Variants in KCTD16 observed in about 807,000 individuals in gnomAD.
KCTD16 encodes the protein potassium channel tetramerization domain containing 16, also known as BTB/POZ domain-containing protein KCTD16.
Under a neutral mutation model 33.2 loss-of-function variants are expected in KCTD16, and 13 were observed. The observed-to-expected ratio is 0.39, with a 90% CI of 0.25 to 0.62. The LOEUF (loss-of-function observed/expected upper bound fraction) is 0.62, where lower values mean the gene tolerates loss of function less well. Among genes scored for constraint, KCTD16 ranks in the 20% least tolerant of loss-of-function variants. The pLI is 0.50. For synonymous variants in KCTD16, 197 were observed against 195.3 expected (o/e 1.01, Z -0.07); for missense variants, 441 against 525.1 (o/e 0.84, Z 1.57).
chr5:144,284,385 A>G lies in KCTD16; in HGVS notation c.832+76839A>G, dbSNP rs6889149. 4.7e-3 allele frequency among the ~76,000 whole-genome samples: 715 copies of G among 152,348 alleles called. 6 individuals are homozygous for G. The highest frequency in any genetic ancestry group is 0.016 in the African/African-American group (672 of 41,592). ...AGGCAATGTTGAAAGAAGGATAGAA[A>G]ACTATGAAAAGAAATCCTTCCTACT... On this transcript the variant is annotated intron_variant, in intron 3 of 3. Transcript: ENST00000512467.
At chr5:144,359,353 G>A (rs1324430113) in intron 3 of KCTD16, among the ~76,000 whole-genome samples, 2 of 152,222 alleles carry the variant, frequency 1.3e-5, no homozygotes, top group East Asian at 1.9e-4. Context: ...GAGCCAAATT[G>A]TCCTAAGTAG....
chr5:144,385,779 A>G (rs932849085), intron 3 of KCTD16, among the ~76,000 whole-genome samples: 11 of 152,198 alleles, frequency 7.2e-5, no homozygotes, highest in African/African-American at 2.4e-4. Context: ...GTCCCATTCA[A>G]ATCATTTAAG....
chr5:144,294,155 T>C (rs1171810468), intron 3 of KCTD16, among the ~76,000 whole-genome samples: 1 of 151,756 alleles, frequency 6.6e-6, no homozygotes, highest in African/African-American at 2.4e-5. Context: ...TGAGACTCTG[T>C]CAAACAAACA....
intron 3 of KCTD16, among the ~76,000 whole-genome samples, chr5:144,295,945 T>C (rs1232806309): frequency 1.3e-5 from 2 of 152,210 alleles, no homozygotes; most frequent in Non-Finnish European, 2.9e-5. Context: ...AATCTGGCAA[T>C]ATCCAGTGAG....
intron 3 of KCTD16, among the ~76,000 whole-genome samples, chr5:144,265,282 T>C (rs950212369): frequency 1.3e-5 from 2 of 152,136 alleles, no homozygotes; most frequent in African/African-American, 4.8e-5. Context: ...TTAAAAACAG[T>C]GAAAACAAAC....
At position 144,466,134 on chromosome 5, in the gene KCTD16, G is replaced by A. The variant is rs532787010; in HGVS notation, c.833-7526G>A. 5.9e-5 allele frequency among the ~76,000 whole-genome samples: 9 copies of A among 152,168 alleles called. No homozygotes were observed. The East Asian group carries it at 7.7e-4, about 13-fold the overall frequency. Reference sequence around the variant, plus strand: ...GATTCAGGTGTGAGCCAGCCTACCCGGCCATATGTTTTTTCTCTGTTGGAG... The same window carrying A: ...GATTCAGGTGTGAGCCAGCCTACCCAGCCATATGTTTTTTCTCTGTTGGAG... On this transcript the variant is annotated intron_variant, in intron 3 of 3. Coordinates refer to ENST00000512467, the MANE Select transcript of KCTD16 (RefSeq NM_020768.4).
chr5:144,456,860 A>G (rs1207769141), intron 3 of KCTD16, among the ~76,000 whole-genome samples: 1 of 152,016 alleles, frequency 6.6e-6, no homozygotes, highest in East Asian at 1.9e-4. Context: ...AGACACTTTG[A>G]AATTGTTTTT....
chr5:144,387,576 C>G (rs1561588977), intron 3 of KCTD16, among the ~76,000 whole-genome samples: 2 of 152,076 alleles, frequency 1.3e-5, no homozygotes, highest in Admixed American at 1.3e-4. Context: ...TTTTGCTTTC[C>G]TGGAAAAGAA....
intron 3 of KCTD16, among the ~76,000 whole-genome samples, chr5:144,392,500 T>A (rs1422944290): frequency 2.0e-5 from 3 of 152,212 alleles, no homozygotes; most frequent in Non-Finnish European, 4.4e-5. Flanking sequence ...GCTCTCTGGA[T>A]GCTGTGTGAC....
intron 3 of KCTD16, among the ~76,000 whole-genome samples, chr5:144,303,939 T>G (rs561733024): frequency 1.0e-3 from 154 of 152,326 alleles, no homozygotes; most frequent in African/African-American, 3.6e-3. Context: ...TGTCACAGCC[T>G]TAAACACACT....
In KCTD16 at chr5:144,478,353, TAG is replaced by T. The variant is rs1187375539; in HGVS notation, c.*4242_*4243del. 2.0e-5 allele frequency: 3 copies of T among 152,088 alleles called. No homozygotes were observed. The highest frequency in any genetic ancestry group is 7.2e-5 in the African/African-American group (3 of 41,444). The allele number at this position is 152,088 out of a possible 1,614,324, so 9.4% of individuals were successfully genotyped here. A position where few individuals can be genotyped will look rare whatever the true frequency, so the allele number is the denominator to read the frequency against. On this transcript the variant is annotated 3_prime_UTR_variant, in exon 4 of 4. Transcript: ENST00000512467. ...TTGCTCTCTACCCCTGCTGAAAGAATAGAGTCTTAAACTTTAATAATCACAGC... is the reference window on the plus strand; with the variant it reads ...TTGCTCTCTACCCCTGCTGAAAGAATAGTCTTAAACTTTAATAATCACAGC...
intron 3 of KCTD16, among the ~76,000 whole-genome samples, chr5:144,298,109 G>A (rs146331746): frequency 6.6e-6 from 1 of 152,238 alleles, no homozygotes; most frequent in East Asian, 1.9e-4. Flanking sequence ...CATCCTAATC[G>A]AGCTGAACAC....
chr5:144,276,933 C>A (rs942634597), intron 3 of KCTD16, among the ~76,000 whole-genome samples: 2 of 151,430 alleles, frequency 1.3e-5, no homozygotes, highest in Admixed American at 1.3e-4. Context: ...ATCCCATAAT[C>A]TATGTAAATT....
At chr5:144,395,237 C>T (rs1182144404) in intron 3 of KCTD16, among the ~76,000 whole-genome samples, 6 of 152,154 alleles carry the variant, frequency 3.9e-5, no homozygotes, top group Admixed American at 3.3e-4. Flanking sequence ...GGGTTAATAA[C>T]CCAGATAGTT....
intron 3 of KCTD16, among the ~76,000 whole-genome samples, chr5:144,394,795 G>A (rs967057764): frequency 6.6e-6 from 1 of 152,198 alleles, no homozygotes; most frequent in African/African-American, 2.4e-5. Context: ...TGCCATGATT[G>A]TAAGTTTCCT....
At chr5:144,413,991 C>T (rs1374453028) in intron 3 of KCTD16, among the ~76,000 whole-genome samples, 1 of 152,096 alleles carries the variant, frequency 6.6e-6, no homozygotes, top group African/African-American at 2.4e-5. Flanking sequence ...GATTAAGTGA[C>T]CTTGTAGATC....
At chr5:144,457,982 T>G in intron 3 of KCTD16, among the ~76,000 whole-genome samples, 1 of 152,216 alleles carries the variant, frequency 6.6e-6, no homozygotes, top group Admixed American at 6.5e-5. Flanking sequence ...AGCCATTTTC[T>G]GACACACGGG....
At position 144,384,330 on chromosome 5, in the gene KCTD16, G is replaced by A. The variant is rs60775260; in HGVS notation, c.833-89330G>A. 4 of 152,124 alleles carry A rather than the reference G, an allele frequency of 2.6e-5. No homozygotes were observed. In the East Asian group the frequency reaches 7.7e-4, roughly 29 times the overall value. The allele number at this position is 152,124 out of a possible 1,614,324, so 9.4% of individuals were successfully genotyped here. ...GTAAGGGGATAGAACTGGAGGCTAA[G>A]GAAGAAGTGGGAAAGGAGCTTCGTC... is the stretch of plus-strand genomic sequence containing the variant. On this transcript the variant is annotated intron_variant, in intron 3 of 3. Coordinates refer to ENST00000512467, the MANE Select transcript of KCTD16 (RefSeq NM_020768.4).
rs1311409823 is a variant in KCTD16, at chr5:144,483,921, A to AT, written c.*9814dup. ...CTTAAAAACATAAGAAAGAAAATCC[A>AT]TTTTTTTAAAGCAATGAAATGTTCT... is the stretch of plus-strand genomic sequence containing the variant. On this transcript the variant is annotated 3_prime_UTR_variant, in exon 4 of 4. Transcript: ENST00000512467. The AT allele has an allele frequency of 6.6e-6, 1 of 151,910 alleles. No homozygotes were observed. Among genetic ancestry groups the AT allele is most frequent in the Admixed American group, 6.6e-5 (1 of 15,222 alleles). 9.4% of individuals were successfully genotyped at this position (151,910 alleles called of 1,614,324 possible). A position where few individuals can be genotyped will look rare whatever the true frequency, so the allele number is the denominator to read the frequency against.
Sources: allele counts gnomAD v4.1 joint callset (sites outside exome capture counted in the v4.1 genomes callset), GRCh38; gene constraint gnomAD v4.1.1; transcripts MANE v1.5; gene names NCBI Gene and HGNC (gene_info 2026-07-23, HGNC 2026-07-21).